ECHDC3: variants seen among roughly 807,000 people sequenced by gnomAD.
The protein encoded by ECHDC3 is enoyl-CoA hydratase domain containing 3, also known as enoyl-CoA hydratase domain-containing protein 3, mitochondrial.
A neutral mutation model predicts 17.9 loss-of-function variants in ECHDC3; 20 were observed. The observed-to-expected ratio is 1.12, with a 90% confidence interval of 0.79 to 1.63. The LOEUF (loss-of-function observed/expected upper bound fraction) is 1.63. ECHDC3 is among the 40% of genes most tolerant of loss of function. The pLI is 0.00. For missense variants in ECHDC3, 407 were observed against 357.7 expected, an observed-to-expected ratio of 1.14 and a Z score of -1.11; for synonymous variants, 177 against 149.7, an observed-to-expected ratio of 1.18 and a Z score of -1.33.
chr10:11,747,527 T>A (rs1588462326), intron 2 of ECHDC3, 57 bp downstream of exon 2: 7 of 1,585,522 alleles, frequency 4.4e-6, no homozygotes, highest in Non-Finnish European at 6.0e-6. Context: ...GCTTTCTGAG[T>A]CTTTAGTAAA....
chr10:11,748,950 C>T (rs1292502178), intron 2 of ECHDC3, among the ~76,000 whole-genome samples: 3 of 152,234 alleles, frequency 2.0e-5, no homozygotes, highest in Non-Finnish European at 4.4e-5. Context: ...AGTAGGATGA[C>T]ATTTTCTTGT....
At chr10:11,757,170 C>T (rs1832893473) in intron 4 of ECHDC3, among the ~76,000 whole-genome samples, 1 of 152,212 alleles carries the variant, frequency 6.6e-6, no homozygotes, top group Admixed American at 6.5e-5. Context: ...GTGCTGACAG[C>T]TGCTTGTCCT....
chr10:11,757,459 G>C (rs1029709086), intron 4 of ECHDC3, among the ~76,000 whole-genome samples: 6 of 152,166 alleles, frequency 3.9e-5, no homozygotes, highest in Non-Finnish European at 8.8e-5. Context: ...TCACCCAGTT[G>C]GATGAACCAA....
At chr10:11,755,323 CAAAA>C (rs35696123) in intron 3 of ECHDC3, 81 bp from the exon 4 acceptor site, 33,774 of 762,174 alleles carry the variant, frequency 0.044, 1 homozygote, top group East Asian at 0.095. Flanking sequence ...GAGACTCTGT[CAAAA>C]AAAAAAAAAA....
chr10:11,745,832 G>T (rs1216922183), intron 1 of ECHDC3, among the ~76,000 whole-genome samples: 1 of 152,180 alleles, frequency 6.6e-6, no homozygotes, highest in Non-Finnish European at 1.5e-5. Context: ...CTGTGTATAA[G>T]CAGCAAGATG....
chr10:11,745,198 C>T (rs951043594), intron 1 of ECHDC3, among the ~76,000 whole-genome samples: 2 of 152,118 alleles, frequency 1.3e-5, no homozygotes, highest in Admixed American at 6.5e-5. Context: ...GGAGAGTGGA[C>T]TCTGCAGTTT....
At chr10:11,755,676 G>A (rs3750695) in intron 4 of ECHDC3, 68 bp downstream of exon 4, 409,752 of 1,403,028 alleles carry the variant, frequency 0.29, 61,621 homozygotes, top group Admixed American at 0.39. Context: ...CAGTGCATGC[G>A]ATGATTCAAG....
intron 2 of ECHDC3, among the ~76,000 whole-genome samples, chr10:11,749,098 A>G (rs184926513): frequency 4.6e-5 from 7 of 152,306 alleles, no homozygotes; most frequent in Admixed American, 1.3e-4. Context: ...AGATGAAATG[A>G]CATGGACACT....
At chr10:11,746,863 A>C (rs953836139) in intron 1 of ECHDC3, among the ~76,000 whole-genome samples, 8 of 151,888 alleles carry the variant, frequency 5.3e-5, no homozygotes, top group Admixed American at 5.2e-4. Context: ...TGAACCGGGG[A>C]GGTGGAGGTT....
intron 1 of ECHDC3, among the ~76,000 whole-genome samples, chr10:11,743,746 C>T (rs1385716929): frequency 6.6e-6 from 1 of 152,202 alleles, no homozygotes; most frequent in African/African-American, 2.4e-5. Context: ...GAGCACAGGC[C>T]AGAGCAGGGC....
intron 1 of ECHDC3, among the ~76,000 whole-genome samples, chr10:11,745,840 A>G (rs923080955): frequency 1.3e-5 from 2 of 152,232 alleles, no homozygotes; most frequent in African/African-American, 4.8e-5. Context: ...AAGCAGCAAG[A>G]TGACAATACA....
chr10:11,743,631 G>T (rs969468725), intron 1 of ECHDC3, among the ~76,000 whole-genome samples: 1 of 152,210 alleles, frequency 6.6e-6, no homozygotes, highest in African/African-American at 2.4e-5. Flanking sequence ...TTGGGCTTGG[G>T]GTGCCCACAG....
intron 4 of ECHDC3, among the ~76,000 whole-genome samples, chr10:11,761,410 G>A (rs892667662): frequency 1.3e-5 from 2 of 152,184 alleles, no homozygotes; most frequent in African/African-American, 2.4e-5. Flanking sequence ...CACCAGGGTT[G>A]AAAAACCCCA....
chr10:11,742,918 G>A, intron 1 of ECHDC3, 172 bp downstream of exon 1: 1 of 729,020 alleles, frequency 1.4e-6, no homozygotes, highest in Non-Finnish European at 1.9e-6. Context: ...GGGATTGTAG[G>A]GCCGTCGGTG....
intron 1 of ECHDC3, among the ~76,000 whole-genome samples, chr10:11,746,161 C>G (rs1264645381): frequency 6.6e-6 from 1 of 151,906 alleles, no homozygotes; most frequent in Non-Finnish European, 1.5e-5. Context: ...AACCTCAGCT[C>G]TACTAAAAAT....
intron 1 of ECHDC3, among the ~76,000 whole-genome samples, chr10:11,743,642 C>T (rs2133784775): frequency 6.6e-6 from 1 of 152,354 alleles, no homozygotes; most frequent in African/African-American, 2.4e-5. Context: ...GTGCCCACAG[C>T]AGGGGCAGGG....
intron 3 of ECHDC3, among the ~76,000 whole-genome samples, chr10:11,753,768 C>CTTCTTT (rs1554759475): frequency 1.1e-4 from 6 of 55,542 alleles, no homozygotes; most frequent in Admixed American, 1.0e-3. Flanking sequence ...GTGCATTCTT[C>CTTCTTT]TTCTTTTTAT....
chr10:11,762,513 C>T (rs1374178857), intron 4 of ECHDC3, among the ~76,000 whole-genome samples: 3 of 152,136 alleles, frequency 2.0e-5, no homozygotes, highest in Non-Finnish European at 2.9e-5. Flanking sequence ...TTTAGAGGAG[C>T]CAGGCTTGGT....
At chr10:11,758,661 G>T (rs898135001) in intron 4 of ECHDC3, among the ~76,000 whole-genome samples, 1 of 152,232 alleles carries the variant, frequency 6.6e-6, no homozygotes, top group Non-Finnish European at 1.5e-5. Flanking sequence ...GAGGGTCTGG[G>T]AGTTTCAGGG....
Sources: allele counts gnomAD v4.1 joint callset (sites outside exome capture counted in the v4.1 genomes callset), GRCh38; gene constraint gnomAD v4.1.1; transcripts MANE v1.5; gene names NCBI Gene and HGNC (gene_info 2026-07-23, HGNC 2026-07-21).